The following INPP4A variants were observed in gnomAD, a reference collection of about 807,000 sequenced individuals.
INPP4A encodes the protein inositol polyphosphate-4-phosphatase, type I, 107kD.
A neutral mutation model predicts 119.8 loss-of-function variants in INPP4A; 33 were observed. The ratio of observed to expected loss-of-function variants is 0.28; its 90% CI spans 0.21 to 0.37. INPP4A has a LOEUF of 0.37. Ranked by LOEUF, INPP4A falls within the 10% of genes least tolerant of loss-of-function variation. The pLI, the probability that INPP4A is intolerant of heterozygous loss-of-function variation, is 1.00. For synonymous variants in INPP4A, 496 were observed against 500.7 expected, an observed-to-expected ratio of 0.99 and a Z score of 0.12; for missense variants, 956 against 1,289.9, an observed-to-expected ratio of 0.74 and a Z score of 3.97.
chr2:98,587,433 CCTTTTTTA>C (rs1559132101), intron 24 of INPP4A, 35 bp from the exon 25 acceptor site: 2 of 1,514,918 alleles, frequency 1.3e-6, no homozygotes, highest in African/African-American at 2.9e-5. Context: ...TTTCTTTTTT[CCTTTTTTA>C]CTGCCGTCAT....
intron 1 of INPP4A, among the ~76,000 whole-genome samples, chr2:98,479,743 C>A (rs1411529170): frequency 6.6e-6 from 1 of 152,214 alleles, no homozygotes; most frequent in African/African-American, 2.4e-5. Flanking sequence ...CAGATTTCTT[C>A]CTGTCCTTGA....
chr2:98,528,031 A>T (rs895963424), intron 4 of INPP4A, among the ~76,000 whole-genome samples: 1 of 152,230 alleles, frequency 6.6e-6, no homozygotes, highest in Non-Finnish European at 1.5e-5. Flanking sequence ...GAAAAAACCC[A>T]TACAGTCAGT....
At chr2:98,534,866 A>G (rs1479111671) in intron 5 of INPP4A, among the ~76,000 whole-genome samples, 3 of 152,232 alleles carry the variant, frequency 2.0e-5, no homozygotes, top group Non-Finnish European at 4.4e-5. Flanking sequence ...AGGGGAGTTC[A>G]TGATCACTGG....
intron 1 of INPP4A, among the ~76,000 whole-genome samples, chr2:98,456,184 GATAC>G (rs1157158478): frequency 2.6e-5 from 4 of 152,192 alleles, no homozygotes; most frequent in Non-Finnish European, 5.9e-5. Flanking sequence ...TTTCAAAAAG[GATAC>G]ATGGACTTGA....
At position 98,445,684 on chromosome 2, in the gene INPP4A, G is replaced by T. The variant is rs551179634; in HGVS notation, c.-166+599G>T. Among the ~76,000 whole-genome samples the T allele has an allele frequency of 2.4e-3, 371 of 152,328 alleles. 1 individual carries two copies. Among genetic ancestry groups the T allele is most frequent in the African/African-American group, 8.5e-3 (352 of 41,574 alleles). ...AATGGGTAGGCCCCAGAAGACAGAC[G>T]TTCAAAATGTCAGAGGTAAATTTGT... is the stretch of plus-strand genomic sequence containing the variant. On this transcript the variant is annotated intron_variant, in intron 1 of 24. Coordinates refer to ENST00000409851, the MANE Select transcript of INPP4A (RefSeq NM_001134225.2).
intron 14 of INPP4A, among the ~76,000 whole-genome samples, 190 bp downstream of exon 14, chr2:98,553,159 G>GGA (rs1693833583): frequency 1.3e-5 from 2 of 152,248 alleles, no homozygotes; most frequent in Non-Finnish European, 2.9e-5. Context: ...GAGCTGGACA[G>GGA]ACCAAGGGCA....
chr2:98,572,984 G>A (rs1225061555), intron 23 of INPP4A, 57 bp downstream of exon 23: 1 of 1,254,644 alleles, frequency 8.0e-7, no homozygotes, highest in Non-Finnish European at 1.1e-6. Context: ...TGAACGTCAT[G>A]ACAGAAACAT....
intron 16 of INPP4A, among the ~76,000 whole-genome samples, chr2:98,557,955 G>T (rs1397120811): frequency 6.6e-6 from 1 of 151,928 alleles, no homozygotes; most frequent in Non-Finnish European, 1.5e-5. Flanking sequence ...CATACCCAAA[G>T]AGATGGTTAG....
At chr2:98,454,154 G>A (rs187782097) in intron 1 of INPP4A, among the ~76,000 whole-genome samples, 6 of 152,234 alleles carry the variant, frequency 3.9e-5, no homozygotes, top group African/African-American at 1.2e-4. Context: ...TACCTAACAG[G>A]TGGATCAGCA....
chr2:98,563,338 A>AG, intron 17 of INPP4A, 127 bp from the exon 18 acceptor site: 1 of 879,034 alleles, frequency 1.1e-6, no homozygotes, highest in Non-Finnish European at 1.8e-6. Context: ...ACAGAGCTGG[A>AG]AGATGAGGTG....
intron 17 of INPP4A, among the ~76,000 whole-genome samples, chr2:98,562,251 C>T (rs1286807858): frequency 6.6e-6 from 1 of 152,212 alleles, no homozygotes; most frequent in Admixed American, 6.5e-5. Flanking sequence ...AGGCCACCTC[C>T]AACTTTTGAG....
intron 1 of INPP4A, among the ~76,000 whole-genome samples, chr2:98,448,488 G>C (rs540167750): frequency 1.3e-5 from 2 of 151,888 alleles, no homozygotes; most frequent in East Asian, 3.9e-4. Context: ...CATCTGTTTT[G>C]CATTAAGTTT....
intron 24 of INPP4A, among the ~76,000 whole-genome samples, chr2:98,587,178 A>G (rs966296571): frequency 1.3e-5 from 2 of 152,224 alleles, no homozygotes; most frequent in African/African-American, 2.4e-5. Context: ...CCCAAAAGAC[A>G]TGAGCTACAT....
At chr2:98,571,094 A>G (rs1379739661) in intron 22 of INPP4A, among the ~76,000 whole-genome samples, 3 of 152,194 alleles carry the variant, frequency 2.0e-5, no homozygotes, top group African/African-American at 7.2e-5. Context: ...GGACGTCAGA[A>G]CTGTTAAGAA....
At chr2:98,568,888 G>A in intron 22 of INPP4A, 1 of 503,574 alleles carries the variant, frequency 2.0e-6, no homozygotes, top group South Asian at 2.5e-5. Flanking sequence ...ACTAGCCTAT[G>A]TGACATGGCT....
chr2:98,589,949 G>A lies in INPP4A; in HGVS notation c.*2341G>A, dbSNP rs893956464. ...TTTCCTTTAAAGATGTAAAAATATT[G>A]TATAATACAGTTTTGTCCCTACACA... On this transcript the variant is annotated 3_prime_UTR_variant, in exon 25 of 25. Coordinates refer to ENST00000409851, the MANE Select transcript of INPP4A (RefSeq NM_001134225.2). The A allele has an allele frequency of 2.1e-5, 4 of 194,684 alleles. No individual in the cohort carries two copies. Among genetic ancestry groups the A allele is most frequent in the African/African-American group, 9.3e-5 (4 of 43,040 alleles). The allele number at this position is 194,684 out of a possible 1,614,324, so 12.1% of individuals were successfully genotyped here.
rs369573081 is a variant in INPP4A, at chr2:98,558,666, C to G, written c.1823-797C>G. 2.1e-3 allele frequency among the ~76,000 whole-genome samples: 321 copies of G among 152,354 alleles called. 1 individual carries two copies. The highest frequency in any genetic ancestry group is 7.4e-3 in the African/African-American group (309 of 41,578). On this transcript the variant is annotated intron_variant, in intron 16 of 24. Coordinates refer to ENST00000409851, the MANE Select transcript of INPP4A (RefSeq NM_001134225.2). ...AAGACATTGTTTGAACTGAAAAGCT[C>G]AGACATAAATTAACATAAATGTTTT...
chr2:98,467,246 A>G (rs1348571694), intron 1 of INPP4A, among the ~76,000 whole-genome samples: 1 of 152,164 alleles, frequency 6.6e-6, no homozygotes, highest in Non-Finnish European at 1.5e-5. Context: ...GCATTAATGT[A>G]TACATGAGGG....
Position 98,593,286 on chromosome 2 carries a change from C to A in INPP4A, c.*5678C>A, listed in dbSNP as rs1193604605. 1 of 152,432 alleles carries A rather than the reference C, an allele frequency of 6.6e-6. No homozygotes were observed. The highest frequency in any genetic ancestry group is 1.5e-5 in the Non-Finnish European group (1 of 68,090). 9.4% of individuals were successfully genotyped at this position (152,432 alleles called of 1,614,324 possible). A position where few individuals can be genotyped will look rare whatever the true frequency, so the allele number is the denominator to read the frequency against. On this transcript the variant is annotated 3_prime_UTR_variant, in exon 25 of 25. Transcript: ENST00000409851. Reference sequence around the variant, plus strand: ...CATCTCCATGGCTCCAAAGAGGATGCCTGTGTTAGATGGATGTAGACAGAC... The same window carrying A: ...CATCTCCATGGCTCCAAAGAGGATGACTGTGTTAGATGGATGTAGACAGAC...
Sources: gnomAD v4.1 joint callset for allele counts (sites outside exome capture counted in the v4.1 genomes callset) on GRCh38, gnomAD v4.1.1 for gene constraint, MANE v1.5 for transcripts, NCBI Gene and HGNC (gene_info 2026-07-23, HGNC 2026-07-21) for gene names.